The following CTNNA3 variants were observed in gnomAD, a reference collection of about 807,000 sequenced individuals.
CTNNA3 encodes the protein catenin alpha 3, also known as catenin alpha-3.
CTNNA3 carries 76 observed loss-of-function variants against 95.7 expected under a neutral mutation model. The ratio of observed to expected loss-of-function variants is 0.79; its 90% CI spans 0.66 to 0.96. The LOEUF is 0.96. CTNNA3 is among the 40% of genes least tolerant of loss of function. The pLI is 0.00. For missense variants in CTNNA3, 1,191 were observed against 1,089.8 expected, an observed-to-expected ratio of 1.09 and a Z score of -1.31; for synonymous variants, 431 against 374.4, an observed-to-expected ratio of 1.15 and a Z score of -1.74.
chr10:67,093,293 T>C (rs2131917603), intron 7 of CTNNA3, among the ~76,000 whole-genome samples: 1 of 152,094 alleles, frequency 6.6e-6, no homozygotes, highest in South Asian at 2.1e-4. Flanking sequence ...CTGTTTATTT[T>C]ATGAAATAAT....
intron 13 of CTNNA3, among the ~76,000 whole-genome samples, chr10:66,211,045 C>T (rs991895053): frequency 1.3e-5 from 2 of 152,128 alleles, no homozygotes; most frequent in Admixed American, 6.6e-5. Flanking sequence ...GGGAACATTC[C>T]ATCATACTGT....
chr10:67,141,217 AT>A (rs1347868982), intron 7 of CTNNA3, among the ~76,000 whole-genome samples: 1 of 152,228 alleles, frequency 6.6e-6, no homozygotes, highest in African/African-American at 2.4e-5. Flanking sequence ...ATATATTACC[AT>A]AAAAAAATCT....
At chr10:66,667,132 G>A (rs775851000) in intron 9 of CTNNA3, among the ~76,000 whole-genome samples, 9 of 151,824 alleles carry the variant, frequency 5.9e-5, no homozygotes, top group Non-Finnish European at 1.2e-4. Flanking sequence ...TTTCACTACC[G>A]CGAGGTTTCC....
At position 66,792,933 on chromosome 10, in the gene CTNNA3, A is replaced by C. The variant is rs147629443; in HGVS notation, c.1048-17409T>G. 1.9e-3 allele frequency among the ~76,000 whole-genome samples: 287 copies of C among 152,272 alleles called. 1 individual carries two copies. The highest frequency in any genetic ancestry group is 6.8e-3 in the Middle Eastern group (2 of 294). ...TTTCAATTATGGCTTTTTATTGGCC[A>C]GTAAAGTATGGGAGACAAAAAAATC... On this transcript the variant is annotated intron_variant, in intron 7 of 17. Transcript: ENST00000433211.
intron 7 of CTNNA3, among the ~76,000 whole-genome samples, chr10:66,964,322 G>A (rs1849284392): frequency 6.6e-6 from 1 of 151,408 alleles, no homozygotes; most frequent in Non-Finnish European, 1.5e-5. Flanking sequence ...TTACATTGGT[G>A]GGGGAGATAC....
At chr10:66,318,703 T>C (rs112493716) in intron 12 of CTNNA3, among the ~76,000 whole-genome samples, 7 of 152,212 alleles carry the variant, frequency 4.6e-5, no homozygotes, top group African/African-American at 1.7e-4. Context: ...GATCTCACCC[T>C]CTCTGAGTGG....
intron 2 of CTNNA3, among the ~76,000 whole-genome samples, chr10:67,641,807 T>A (rs1207451254): frequency 2.0e-5 from 3 of 151,974 alleles, no homozygotes; most frequent in African/African-American, 7.3e-5. Context: ...AATTGAACAA[T>A]GAGAACACTT....
intron 5 of CTNNA3, among the ~76,000 whole-genome samples, chr10:67,430,530 C>T (rs1846074322): frequency 6.6e-6 from 1 of 151,554 alleles, no homozygotes; most frequent in South Asian, 2.1e-4. Flanking sequence ...TTAATAGTAC[C>T]CAGAATTTTT....
At chr10:67,141,399 G>T (rs1860559163) in intron 7 of CTNNA3, among the ~76,000 whole-genome samples, 1 of 152,050 alleles carries the variant, frequency 6.6e-6, no homozygotes, top group Admixed American at 6.6e-5. Context: ...AGGATTGCTG[G>T]GAGCAAAATA....
chr10:66,575,880 G>C (rs1426666830), intron 10 of CTNNA3, among the ~76,000 whole-genome samples: 1 of 152,070 alleles, frequency 6.6e-6, no homozygotes, highest in African/African-American at 2.4e-5. Context: ...CAATACATCT[G>C]TTCTTTAATA....
At chr10:66,509,623 G>A (rs951805615) in intron 11 of CTNNA3, among the ~76,000 whole-genome samples, 1 of 151,818 alleles carries the variant, frequency 6.6e-6, no homozygotes, top group Admixed American at 6.6e-5. Flanking sequence ...TGAAGAGGGT[G>A]TCATTTTTTT....
At chr10:65,968,984 C>T (rs1471773337) in intron 16 of CTNNA3, among the ~76,000 whole-genome samples, 1 of 152,196 alleles carries the variant, frequency 6.6e-6, no homozygotes, top group African/African-American at 2.4e-5. Context: ...GAGCTCAGAG[C>T]ATTTTGCACT....
chr10:67,348,520 C>A lies in CTNNA3; in HGVS notation c.580-128650G>T, dbSNP rs1842516798. On this transcript the variant is annotated intron_variant, in intron 5 of 17. Coordinates refer to ENST00000433211, the MANE Select transcript of CTNNA3 (RefSeq NM_013266.4). ...ACAAAGCGTGGCACCAGCATCTGCT[C>A]CCAGTGAGGGCCTCAAGAAGCTTCC... Among the ~76,000 whole-genome samples, 3 of 152,076 alleles carry A rather than the reference C, an allele frequency of 2.0e-5. No homozygotes were observed. In the South Asian group the frequency reaches 6.2e-4, roughly 32 times the overall value.
chr10:66,280,392 C>T, intron 13 of CTNNA3, 78 bp downstream of exon 13: 2 of 1,232,458 alleles, frequency 1.6e-6, no homozygotes, highest in Non-Finnish European at 2.3e-6. Flanking sequence ...AGAAATAAAG[C>T]ATTTCTTGCA....
chr10:67,451,681 A>G (rs1195665115), intron 5 of CTNNA3, among the ~76,000 whole-genome samples: 1 of 152,202 alleles, frequency 6.6e-6, no homozygotes, highest in African/African-American at 2.4e-5. Flanking sequence ...TTGCTCTTCA[A>G]CTGTGCCCTT....
intron 7 of CTNNA3, among the ~76,000 whole-genome samples, chr10:67,092,005 A>G (rs1857672620): frequency 6.6e-6 from 1 of 152,016 alleles, no homozygotes; most frequent in Non-Finnish European, 1.5e-5. Flanking sequence ...AAAACCCCTT[A>G]AGTTTAGTAG....
intron 6 of CTNNA3, among the ~76,000 whole-genome samples, chr10:67,183,780 A>T (rs2132150829): frequency 6.6e-6 from 1 of 152,154 alleles, no homozygotes; most frequent in South Asian, 2.1e-4. Context: ...AAAAAATGTA[A>T]ACTTTATTTC....
chr10:66,139,195 G>A (rs1468738046), intron 13 of CTNNA3, among the ~76,000 whole-genome samples: 2 of 152,164 alleles, frequency 1.3e-5, no homozygotes, highest in African/African-American at 2.4e-5. Context: ...AATGTTAGGC[G>A]AGAAATAAAA....
chr10:67,355,984 G>T (rs1842793212), intron 5 of CTNNA3, among the ~76,000 whole-genome samples: 1 of 151,946 alleles, frequency 6.6e-6, no homozygotes, highest in Admixed American at 6.6e-5. Context: ...AACACTCATA[G>T]CCTTACAACT....
Sources: allele counts gnomAD v4.1 joint callset (sites outside exome capture counted in the v4.1 genomes callset), GRCh38; gene constraint gnomAD v4.1.1; transcripts MANE v1.5; gene names NCBI Gene and HGNC (gene_info 2026-07-23, HGNC 2026-07-21).